Variants in NLRP9 observed in about 807,000 individuals in gnomAD.
NLRP9 encodes the protein NLR family pyrin domain containing 9.
NLRP9 carries 88 observed loss-of-function variants against 83.1 expected under a neutral mutation model. The observed-to-expected ratio is 1.06, with a 90% CI of 0.89 to 1.26. The LOEUF is 1.26. Ranked by LOEUF, NLRP9 falls within the 50% of genes most tolerant of loss-of-function variation. The pLI, the probability that NLRP9 is intolerant of heterozygous loss-of-function variation, is 0.00. For synonymous variants in NLRP9, 521 were observed against 447.6 expected, an observed-to-expected ratio of 1.16 and a Z score of -2.07; for missense variants, 1,308 against 1,179.3, an observed-to-expected ratio of 1.11 and a Z score of -1.60.
chr19:55,709,077 T>G (rs1326468211), intron 8 of NLRP9, 33 bp from the exon 9 acceptor site: 2 of 1,508,558 alleles, frequency 1.3e-6, no homozygotes, highest in Non-Finnish European at 1.8e-6. Context: ...TTTTTTTTTG[T>G]TTTTCATTTT....
At position 55,718,648 on chromosome 19, in the gene NLRP9, C is replaced by T. The variant is rs11666938; in HGVS notation, c.2160-1750G>A. On this transcript the variant is annotated intron_variant, in intron 4 of 8. Transcript: ENST00000332836. Reference sequence around the variant, plus strand: ...TCGCTCACATGTTTCTCTGCTGACCCTCTCCCCACCTGTTGCCCAGCCACA... The same window carrying T: ...TCGCTCACATGTTTCTCTGCTGACCTTCTCCCCACCTGTTGCCCAGCCACA... 9.4e-3 allele frequency among the ~76,000 whole-genome samples: 1,430 copies of T among 152,328 alleles called. 14 individuals carry two copies. The highest frequency in any genetic ancestry group is 0.015 in the African/African-American group (610 of 41,562).
chr19:55,709,626 C>A (rs1431687761), intron 8 of NLRP9: 2 of 152,240 alleles, frequency 1.3e-5, no homozygotes, highest in Non-Finnish European at 2.9e-5. Flanking sequence ...TTTTTGTAGT[C>A]ACCAATAACA....
intron 1 of NLRP9, 68 bp from the exon 2 acceptor site, chr19:55,733,618 G>T (rs1988677238): frequency 1.0e-6 from 1 of 967,742 alleles, no homozygotes; most frequent in Non-Finnish European, 1.5e-6. Context: ...TCTGAGAACT[G>T]TAAACCAAAA....
In NLRP9 at chr19:55,722,991, T is replaced by G. The variant is rs551085966; in HGVS notation, c.2159+989A>C. Reference sequence around the variant, plus strand: ...GAGGGGAACAACACACACTGGGGCCTGTCGGTGGGTGGGGAGCTGGGGGAG... The same window carrying G: ...GAGGGGAACAACACACACTGGGGCCGGTCGGTGGGTGGGGAGCTGGGGGAG... On this transcript the variant is annotated intron_variant, in intron 4 of 8. Coordinates refer to ENST00000332836, the MANE Select transcript of NLRP9 (RefSeq NM_176820.4). 4.8e-4 allele frequency among the ~76,000 whole-genome samples: 73 copies of G among 151,996 alleles called. No homozygotes were observed. The East Asian group carries it at 0.014, about 29-fold the overall frequency.
rs1402678609 is a variant in NLRP9 at position 55,732,847 on chromosome 19, C to T, written c.984G>A (p.Gly328=). ...LKVFNFVRDN[G]PLFILCHNPF... ...GATTATGGCACAAGATAAACAGCGG[C>T]CCATTATCTCTCACAAAATTGAAGA... The change falls in exon 2 of 9, where the codon GGG becomes GGA. Residue 328 remains glycine (G), a synonymous_variant. Coordinates refer to ENST00000332836, the MANE Select transcript of NLRP9 (RefSeq NM_176820.4). 3 of 1,614,010 alleles carry T rather than the reference C, an allele frequency of 1.9e-6. No homozygotes were observed. The highest frequency in any genetic ancestry group is 2.2e-5 in the South Asian group (2 of 91,082).
chr19:55,721,817 A>T (rs1988234039), intron 4 of NLRP9, among the ~76,000 whole-genome samples: 1 of 152,190 alleles, frequency 6.6e-6, no homozygotes, highest in African/African-American at 2.4e-5. Context: ...GGTTTTATAA[A>T]GGGGAGTTTC....
At chr19:55,712,057 C>A (rs1987753713) in intron 7 of NLRP9, 87 bp from the exon 8 acceptor site, 1 of 1,307,756 alleles carries the variant, frequency 7.6e-7, no homozygotes, top group African/African-American at 1.4e-5. Flanking sequence ...TTACACACCT[C>A]CCGGCAGGAC....
rs753356427 is a variant in NLRP9 at position 55,708,945 on chromosome 19, G to C, written c.2943C>G (p.Asp981Glu). The C allele has an allele frequency of 1.9e-6, 3 of 1,569,924 alleles. No individual in the cohort carries two copies. The highest frequency in any genetic ancestry group is 2.6e-6 in the Non-Finnish European group (3 of 1,162,968). ...HLTISHGPWI[D>E]EEYKIRGVLL is the part of the protein sequence containing the mutation. ...GCACACCCCTGATCTTGTATTCCTC[G>C]TCAATCCAAGGTCCATGTGAAATGG... The change falls in exon 9 of 9, where the codon GAC (aspartate) becomes GAG (glutamate). Residue 981 changes from aspartate to glutamate, a missense_variant. Coordinates refer to ENST00000332836, the MANE Select transcript of NLRP9 (RefSeq NM_176820.4).
In NLRP9 at chr19:55,708,889, C is replaced by CG. The variant is rs1176695723; in HGVS notation, c.*22dup. 6.7e-7 allele frequency: 1 copy of CG among 1,499,752 alleles called. No individual in the cohort carries two copies. Among genetic ancestry groups the CG allele is most frequent in the South Asian group, 1.4e-5 (1 of 73,990 alleles). 92.9% of individuals were successfully genotyped at this position (1,499,752 alleles called of 1,614,324 possible). A position where few individuals can be genotyped will look rare whatever the true frequency, so the allele number is the denominator to read the frequency against. On this transcript the variant is annotated 3_prime_UTR_variant, in exon 9 of 9. Transcript: ENST00000332836. The stretch of plus-strand genomic sequence containing the variant: ...GTGGCCAAGGAAAGCCTTTGTGAGA[C>CG]GACTACTTCAGGGTGTTCCCCATCA...
rs368304765 is a variant in NLRP9, at chr19:55,732,071, T to C, written c.1760A>G (p.His587Arg). 7 of 1,607,194 alleles carry C rather than the reference T, an allele frequency of 4.4e-6. No homozygotes were observed. In the East Asian group the frequency reaches 6.7e-5, roughly 15 times the overall value. ...HLVIASFCLK[H>R]CQHLTTLRMC... ...GCGAAGTGTCGTTAAATGTTGACAA[T>C]GCTTCAGGCAGAATGAAGCTATTAC... is the stretch of plus-strand genomic sequence containing the variant. The change falls in exon 2 of 9, where the codon CAT (histidine) becomes CGT (arginine). Residue 587 changes from histidine (H) to arginine (R), a missense_variant. By Grantham distance (29) the His-to-Arg change is conservative. Transcript: ENST00000332836.
chr19:55,725,252 T>C (rs1568600016), intron 3 of NLRP9, among the ~76,000 whole-genome samples: 1 of 152,100 alleles, frequency 6.6e-6, no homozygotes, highest in Non-Finnish European at 1.5e-5. Context: ...GTACTTAAAA[T>C]CCAGACAAAA....
chr19:55,711,064 T>C (rs771997602), intron 8 of NLRP9, among the ~76,000 whole-genome samples: 2 of 147,340 alleles, frequency 1.4e-5, no homozygotes, highest in Non-Finnish European at 3.0e-5. Context: ...CCAGCCTGGA[T>C]GACAGAGCAA....
intron 1 of NLRP9, among the ~76,000 whole-genome samples, chr19:55,734,000 G>A (rs1988699491): frequency 6.9e-6 from 1 of 145,662 alleles, no homozygotes; most frequent in Non-Finnish European, 1.5e-5. Context: ...TCGGCTCACT[G>A]CAAGCTCCGC....
At position 55,733,017 on chromosome 19, in the gene NLRP9, G is replaced by A. The variant is rs1300516946; in HGVS notation, c.814C>T (p.Leu272Phe). Residue 272 changes from leucine to phenylalanine, a missense_variant, in exon 2 of 9, where the codon CTT (leucine) becomes TTT (phenylalanine). Transcript: ENST00000332836. ...QKKMLPESSLLIALGKLAMQK... is the reference protein window; with the variant it reads ...QKKMLPESSLFIALGKLAMQK... ...ATAGCCAGTTTTCCTAATGCAATAA[G>A]GAGAGAGGATTCTGGAAGCATCTTT... The A allele has an allele frequency of 1.9e-6, 3 of 1,614,018 alleles. No individual in the cohort carries two copies. Among genetic ancestry groups the A allele is most frequent in the Non-Finnish European group, 1.7e-6 (2 of 1,180,002 alleles).
rs1268013970 is a variant in NLRP9, at chr19:55,729,910, T to C, written c.1915A>G (p.Asn639Asp). 1.2e-6 allele frequency: 2 copies of C among 1,613,790 alleles called. No homozygotes were observed. The highest frequency in any genetic ancestry group is 1.7e-6 in the Non-Finnish European group (2 of 1,179,696). ...AGGGAGGGATCATCGAGGCTGGTAT[T>C]TTCCATGTCTAAAATCTGGAAGTTC... ...NKNFQILDME[N>D]TSLDDPSLAI... Residue 639 changes from asparagine to aspartate, a missense_variant, in exon 3 of 9, where the codon AAT (asparagine) becomes GAT (aspartate). Physicochemically the swap from Asn to Asp is conservative, Grantham distance 23 (BLOSUM62 1). Transcript: ENST00000332836.
Position 55,732,878 on chromosome 19 carries a change from A to G in NLRP9, c.953T>C (p.Leu318Pro), listed in dbSNP as rs144073159. ...ATCTCTCACAAAATTGAAGACTTTC[A>G]GGGCTTTGCTCTTCTCACCAAAGAA... ...SYFFGEKSKA[L>P]KVFNFVRDNG... Residue 318 changes from leucine (L) to proline (P), a missense_variant, in exon 2 of 9, where the codon CTG (leucine) becomes CCG (proline). By Grantham distance (98) the Leu-to-Pro change is moderately conservative. Transcript: ENST00000332836. 1 of 1,614,076 alleles carries G rather than the reference A, an allele frequency of 6.2e-7. No homozygotes were observed. The highest frequency in any genetic ancestry group is 1.3e-5 in the African/African-American group (1 of 75,036).
Position 55,711,843 on chromosome 19 carries a change from A to G in NLRP9, c.2800T>C (p.Cys934Arg). Reference protein sequence around the residue: ...ALDADAVVVLCEALSHPDCAL... With the variant: ...ALDADAVVVLREALSHPDCAL... ...CAGTCCGGGTGGCTCAATGCCTCAC[A>G]CAGCACCACCACTGCATCAGCATCC... The change falls in exon 8 of 9, where the codon TGT becomes CGT. Residue 934 changes from cysteine to arginine, a missense_variant. By Grantham distance (180) the Cys-to-Arg change is radical. Transcript: ENST00000332836. The G allele has an allele frequency of 6.2e-7, 1 of 1,613,350 alleles. No homozygotes were observed. The highest frequency in any genetic ancestry group is 8.5e-7 in the Non-Finnish European group (1 of 1,179,944).
intron 2 of NLRP9, among the ~76,000 whole-genome samples, chr19:55,730,446 C>T (rs541471259): frequency 2.0e-5 from 3 of 148,194 alleles, no homozygotes; most frequent in East Asian, 2.0e-4. Context: ...GAGCTAGACC[C>T]TGCCTCAAGA....
chr19:55,714,590 T>TTA (rs1283525878), intron 6 of NLRP9, among the ~76,000 whole-genome samples: 6 of 152,100 alleles, frequency 3.9e-5, no homozygotes, highest in African/African-American at 1.4e-4. Flanking sequence ...ATCTGGATTT[T>TTA]TTTTTTTCAG....
Sources: gnomAD v4.1 joint callset for allele counts (sites outside exome capture counted in the v4.1 genomes callset) on GRCh38, gnomAD v4.1.1 for gene constraint, MANE v1.5 for transcripts, NCBI Gene and HGNC (gene_info 2026-07-23, HGNC 2026-07-21) for gene names.